Variants in TSC22D1 observed in about 807,000 individuals in gnomAD.
The protein encoded by TSC22D1 is TSC22 domain family protein 1.
Under a neutral mutation model 74.2 loss-of-function variants are expected in TSC22D1, and 9 were observed. The ratio of observed to expected loss-of-function variants is 0.12; its 90% confidence interval spans 0.07 to 0.21. The LOEUF (loss-of-function observed/expected upper bound fraction) is 0.21, where lower values mean the gene tolerates loss of function less well. Ranked by LOEUF, TSC22D1 falls within the 10% of genes least tolerant of loss-of-function variation. The pLI is 1.00. For missense variants in TSC22D1, 1,427 were observed against 1,304.7 expected, an observed-to-expected ratio of 1.09 and a Z score of -1.44; for synonymous variants, 586 against 492.5, an observed-to-expected ratio of 1.19 and a Z score of -2.51.
intron 1 of TSC22D1, among the ~76,000 whole-genome samples, chr13:44,517,829 GTATATATATATATATATA>G (rs1555269397): frequency 7.1e-5 from 1 of 14,128 alleles, no homozygotes; most frequent in Non-Finnish European, 1.5e-4. Context: ...GTGTGTGTGT[GTATATATATATATATATA>G]TATATATATA....
intron 1 of TSC22D1, among the ~76,000 whole-genome samples, chr13:44,557,446 C>A (rs948591855): frequency 1.1e-4 from 17 of 152,164 alleles, no homozygotes; most frequent in Non-Finnish European, 2.5e-4. Flanking sequence ...GGCGACAGAG[C>A]GAGACTCCGT....
intron 1 of TSC22D1, among the ~76,000 whole-genome samples, chr13:44,494,000 G>A (rs1031362441): frequency 6.6e-6 from 1 of 152,128 alleles, no homozygotes; most frequent in Non-Finnish European, 1.5e-5. Flanking sequence ...GGAGGGTGAG[G>A]AGGGAAGATT....
At chr13:44,443,923 G>A (rs2138878652) in intron 1 of TSC22D1, among the ~76,000 whole-genome samples, 1 of 152,228 alleles carries the variant, frequency 6.6e-6, no homozygotes, top group African/African-American at 2.4e-5. Flanking sequence ...GAAAGAATAA[G>A]AGGAAAAGGG....
intron 1 of TSC22D1, among the ~76,000 whole-genome samples, chr13:44,555,963 G>T (rs546433357): frequency 6.6e-6 from 1 of 151,872 alleles, no homozygotes; most frequent in East Asian, 1.9e-4. Flanking sequence ...AAATGCAATC[G>T]ACTTGCACGG....
At chr13:44,485,869 G>C (rs924924413) in intron 1 of TSC22D1, among the ~76,000 whole-genome samples, 2 of 151,960 alleles carry the variant, frequency 1.3e-5, no homozygotes, top group Admixed American at 6.6e-5. Flanking sequence ...AGGTAGTAGG[G>C]GAAGGTTAGG....
At chr13:44,486,268 G>A (rs1200401423) in intron 1 of TSC22D1, among the ~76,000 whole-genome samples, 1 of 151,828 alleles carries the variant, frequency 6.6e-6, no homozygotes, top group African/African-American at 2.4e-5. Context: ...AAAATATAAG[G>A]GCATGCAAAT....
intron 1 of TSC22D1, chr13:44,474,194 T>C (rs1218719704): frequency 4.1e-6 from 4 of 970,976 alleles, no homozygotes; most frequent in Non-Finnish European, 4.9e-6. Flanking sequence ...TCCACAATTA[T>C]TTGAATTACA....
At position 44,575,842 on chromosome 13, in the gene TSC22D1, T is replaced by C. The variant is rs1266644170; in HGVS notation, c.233A>G (p.Gln78Arg). ...PPAASSTSGP[Q>R]PPPPQSLNLL... ...GTTCAGGCTTTGTGGAGGCGGAGGCTGTGGTCCCGACGTAGAAGATGCTGC... is the reference window on the plus strand; with the variant it reads ...GTTCAGGCTTTGTGGAGGCGGAGGCCGTGGTCCCGACGTAGAAGATGCTGC... The change falls in exon 1 of 3, where the codon CAG becomes CGG. Residue 78 changes from glutamine to arginine, a missense_variant. Gln to Arg is a conservative substitution (Grantham distance 43). This residue lies in a region of TSC22D1 where 1,343 missense variants were observed against 1,191.5 expected (regional missense o/e 1.13). Coordinates refer to ENST00000458659, the MANE Select transcript of TSC22D1 (RefSeq NM_183422.4). 6.2e-7 allele frequency: 1 copy of C among 1,613,822 alleles called. No homozygotes were observed. The highest frequency in any genetic ancestry group is 1.7e-5 in the Admixed American group (1 of 59,984).
intron 1 of TSC22D1, among the ~76,000 whole-genome samples, chr13:44,455,097 G>C (rs938268095): frequency 6.6e-6 from 1 of 152,140 alleles, no homozygotes; most frequent in Admixed American, 6.5e-5. Context: ...TACATATACA[G>C]TATGTGAGAT....
At chr13:44,567,239 C>A (rs955217743) in intron 1 of TSC22D1, among the ~76,000 whole-genome samples, 4 of 152,154 alleles carry the variant, frequency 2.6e-5, no homozygotes, top group African/African-American at 9.7e-5. Flanking sequence ...ATCAGAAGAG[C>A]CTTCTTATAG....
intron 1 of TSC22D1, among the ~76,000 whole-genome samples, chr13:44,451,213 A>C (rs1275932926): frequency 3.9e-5 from 6 of 152,220 alleles, no homozygotes; most frequent in Admixed American, 3.9e-4. Flanking sequence ...AGTCCGTTAG[A>C]CAGAAACAGA....
rs529626837 is a variant in TSC22D1 at position 44,434,196 on chromosome 13, G to T, written c.*430C>A. 7.6e-4 allele frequency: 1,106 copies of T among 1,454,672 alleles called. 1 individual carries two copies. Among genetic ancestry groups the T allele is most frequent in the Non-Finnish European group, 9.4e-4 (1,056 of 1,117,544 alleles). The allele number at this position is 1,454,672 out of a possible 1,614,324, so 90.1% of individuals were successfully genotyped here. A position where few individuals can be genotyped will look rare whatever the true frequency, so the allele number is the denominator to read the frequency against. On this transcript the variant is annotated 3_prime_UTR_variant, in exon 3 of 3. Coordinates refer to ENST00000458659, the MANE Select transcript of TSC22D1 (RefSeq NM_183422.4). ...TTTACCCTCCTTTCAAGTTCCTCCT[G>T]GGGGGAGGAGAGGAGAGAGGCGAGT... is the stretch of plus-strand genomic sequence containing the variant.
At chr13:44,473,938 A>C (rs1877753165) in intron 1 of TSC22D1, among the ~76,000 whole-genome samples, 1 of 152,232 alleles carries the variant, frequency 6.6e-6, no homozygotes, top group Admixed American at 6.5e-5. Context: ...ATGTTTAAAG[A>C]TCTTAAGCTA....
chr13:44,574,354 G>T lies in TSC22D1; in HGVS notation c.1721C>A (p.Ala574Glu), dbSNP rs1319246595. The change falls in exon 1 of 3, where the codon GCA (alanine) becomes GAA (glutamate). Residue 574 changes from alanine to glutamate, a missense_variant. Ala to Glu is a moderately radical substitution (Grantham distance 107). This residue lies in a region of TSC22D1 where 1,343 missense variants were observed against 1,191.5 expected (regional missense o/e 1.13). Coordinates refer to ENST00000458659, the MANE Select transcript of TSC22D1 (RefSeq NM_183422.4). Reference protein sequence around the residue: ...PVPLQATMSAATGIQPSPVNV... With the variant: ...PVPLQATMSAETGIQPSPVNV... ...TACAGGCGATGGCTGGATACCAGTT[G>T]CAGCACTCATAGTGGCTTGCAGAGG... 3 of 1,614,252 alleles carry T rather than the reference G, an allele frequency of 1.9e-6. No individual in the cohort carries two copies. The South Asian group carries it at 3.3e-5, about 18-fold the overall frequency.
intron 1 of TSC22D1, among the ~76,000 whole-genome samples, chr13:44,548,315 G>C (rs945650828): frequency 2.1e-4 from 32 of 152,338 alleles, no homozygotes; most frequent in Middle Eastern, 3.4e-3. Flanking sequence ...TCAGGAGTTA[G>C]AGACCAGCCT....
intron 1 of TSC22D1, among the ~76,000 whole-genome samples, chr13:44,553,410 A>G (rs1882420438): frequency 6.6e-6 from 1 of 152,182 alleles, no homozygotes; most frequent in Non-Finnish European, 1.5e-5. Context: ...TATAGATTTC[A>G]AAATCCAGTT....
chr13:44,436,466 C>A lies in TSC22D1; in HGVS notation c.2913-371G>T, dbSNP rs370186675. On this transcript the variant is annotated intron_variant, in intron 1 of 2. Transcript: ENST00000458659. ...CACCTGTATTATTATAAGTATCCCA[C>A]GAATAAATTTAAAGAAACTATCTTA... The A allele has an allele frequency of 6.2e-6, 10 of 1,605,002 alleles. No homozygotes were observed. In the African/African-American group the frequency reaches 1.1e-4, roughly 17 times the overall value.
intron 1 of TSC22D1, among the ~76,000 whole-genome samples, chr13:44,447,010 A>G (rs890646860): frequency 1.3e-5 from 2 of 152,152 alleles, no homozygotes; most frequent in African/African-American, 4.8e-5. Context: ...CTATTGTGAA[A>G]AAGATCTTCA....
chr13:44,482,272 C>T (rs765071255), intron 1 of TSC22D1, among the ~76,000 whole-genome samples: 12 of 152,158 alleles, frequency 7.9e-5, no homozygotes, highest in African/African-American at 2.9e-4. Context: ...CAGTGGCTCA[C>T]GCCTGTAATC....
Sources: allele counts gnomAD v4.1 joint callset (sites outside exome capture counted in the v4.1 genomes callset), GRCh38; gene constraint gnomAD v4.1.1; regional missense constraint gnomAD v4.1.1; transcripts MANE v1.5; gene names NCBI Gene and HGNC (gene_info 2026-07-23, HGNC 2026-07-21).